SLC35D4: variants seen among roughly 807,000 people sequenced by gnomAD.
The protein encoded by SLC35D4 is solute carrier family 35 member D4.
At chr18:23,356,663 C>T in the SLC35D4 span, 5 of 1,613,968 alleles carry the variant, frequency 3.1e-6, no homozygotes, top group African/African-American at 1.3e-5. This position sits in a 1 kb window ranked among gnomAD's most constrained non-coding sequence, Gnocchi z 4.1. Flanking sequence ...GAAGAGATCA[C>T]CTGAGGGGAA....
the SLC35D4 span, among the ~76,000 whole-genome samples, chr18:23,240,177 G>A: frequency 7.9e-5 from 12 of 152,162 alleles, no homozygotes; most frequent in African/African-American, 2.9e-4. Context: ...TGGGCCCCAG[G>A]GGGTAGGCCT....
the SLC35D4 span, among the ~76,000 whole-genome samples, chr18:23,379,084 C>T: frequency 6.6e-6 from 1 of 151,552 alleles, no homozygotes; most frequent in Non-Finnish European, 1.5e-5. Context: ...CTCACACCTG[C>T]GTAACTGCCC....
At chr18:23,283,422 C>T in the SLC35D4 span, among the ~76,000 whole-genome samples, 2 of 135,176 alleles carry the variant, frequency 1.5e-5, no homozygotes, top group Non-Finnish European at 3.0e-5. Context: ...TGCAGTGAGC[C>T]GAGACTGCAC....
the SLC35D4 span, among the ~76,000 whole-genome samples, chr18:23,380,027 G>C: frequency 2.0e-4 from 30 of 152,254 alleles, no homozygotes; most frequent in African/African-American, 6.3e-4. Flanking sequence ...GAACCGGGAG[G>C]CGGAGATTGC....
chr18:23,257,420 C>T, the SLC35D4 span: 1 of 1,518,712 alleles, frequency 6.6e-7, no homozygotes, highest in Non-Finnish European at 8.8e-7. Context: ...GGTGGAGCAG[C>T]ACTTACTTAC....
the SLC35D4 span, among the ~76,000 whole-genome samples, chr18:23,417,727 T>A: frequency 6.6e-6 from 1 of 152,204 alleles, no homozygotes; most frequent in Non-Finnish European, 1.5e-5. Context: ...AAATTTTTCA[T>A]GGGAAAAATG....
At chr18:23,241,479 C>G in the SLC35D4 span, among the ~76,000 whole-genome samples, 1 of 150,862 alleles carries the variant, frequency 6.6e-6, no homozygotes, top group East Asian at 1.9e-4. Flanking sequence ...TGCAGTGAGC[C>G]GAGATCACAC....
At chr18:23,364,587 T>C in the SLC35D4 span, among the ~76,000 whole-genome samples, 1 of 152,096 alleles carries the variant, frequency 6.6e-6, no homozygotes, top group African/African-American at 2.4e-5. Flanking sequence ...AACAGAGTAA[T>C]TGAGGCAGTA....
At chr18:23,257,449 GTAGAAC>G in the SLC35D4 span, 3 of 1,428,308 alleles carry the variant, frequency 2.1e-6, no homozygotes, top group Non-Finnish European at 2.8e-6. Flanking sequence ...ATGAAAAAAA[GTAGAAC>G]TCAGAATACC....
At chr18:23,238,952 G>A in the SLC35D4 span, among the ~76,000 whole-genome samples, 23 of 152,216 alleles carry the variant, frequency 1.5e-4, no homozygotes, top group Non-Finnish European at 2.6e-4. Context: ...GTAACCAAGA[G>A]AATAGGAAGG....
the SLC35D4 span, among the ~76,000 whole-genome samples, chr18:23,249,774 C>T: frequency 6.6e-6 from 1 of 152,092 alleles, no homozygotes; most frequent in African/African-American, 2.4e-5. Flanking sequence ...CAGCCCTTTC[C>T]ACTGCTAGCG....
the SLC35D4 span, among the ~76,000 whole-genome samples, chr18:23,345,055 T>C: frequency 6.6e-6 from 1 of 152,238 alleles, no homozygotes; most frequent in Non-Finnish European, 1.5e-5. Context: ...TTTCTTCTAA[T>C]AGTTTTCCAG....
chr18:23,347,866 C>T, the SLC35D4 span, among the ~76,000 whole-genome samples: 1 of 152,156 alleles, frequency 6.6e-6, no homozygotes, highest in Non-Finnish European at 1.5e-5. Context: ...TTATATCCTT[C>T]CTTCTGCTTA....
At chr18:23,402,127 C>A in the SLC35D4 span, among the ~76,000 whole-genome samples, 2 of 152,218 alleles carry the variant, frequency 1.3e-5, no homozygotes, top group African/African-American at 4.8e-5. Flanking sequence ...TGCAGAGCCA[C>A]CATGCTGTCA....
the SLC35D4 span, among the ~76,000 whole-genome samples, chr18:23,426,687 C>G: frequency 6.6e-6 from 1 of 152,050 alleles, no homozygotes; most frequent in Non-Finnish European, 1.5e-5. Context: ...CATATGGAAC[C>G]AAAAAAGATC....
At chr18:23,343,352 C>T in the SLC35D4 span, among the ~76,000 whole-genome samples, 26 of 152,032 alleles carry the variant, frequency 1.7e-4, no homozygotes, top group Non-Finnish European at 3.5e-4. Flanking sequence ...AGCGATTCTC[C>T]TGACTCATCC....
At chr18:23,371,935 G>GTTTTTTTTGTTTTTTTTTT in the SLC35D4 span, among the ~76,000 whole-genome samples, 14 of 35,472 alleles carry the variant, frequency 3.9e-4, no homozygotes, top group Non-Finnish European at 4.4e-4. Flanking sequence ...TGTTTTTTTT[G>GTTTTTTTTGTTTTTTTTTT]TTTTTTTTTT....
At chr18:23,320,132 A>G in the SLC35D4 span, among the ~76,000 whole-genome samples, 15 of 152,320 alleles carry the variant, frequency 9.8e-5, no homozygotes, top group African/African-American at 3.6e-4. Context: ...TTCTAGAACT[A>G]CAATTCCACA....
the SLC35D4 span, among the ~76,000 whole-genome samples, chr18:23,392,086 C>T: frequency 2.0e-5 from 3 of 151,798 alleles, no homozygotes; most frequent in Non-Finnish European, 4.4e-5. Context: ...TACAGGCACA[C>T]GCCACCATAC....
Sources: gnomAD v4.1 joint callset for allele counts (sites outside exome capture counted in the v4.1 genomes callset) on GRCh38, gnomAD v4.1.1 for gene constraint, Gnocchi (gnomAD v3.1) non-coding constraint, MANE v1.5 for transcripts, NCBI Gene and HGNC (gene_info 2026-07-23, HGNC 2026-07-21) for gene names.